THRB: variants seen among roughly 807,000 people sequenced by gnomAD.
THRB encodes the protein thyroid hormone receptor beta, also known as nuclear receptor subfamily 1 group A member 2.
In THRB, 12 loss-of-function variants were observed where a neutral mutation model predicts 47.8. The observed-to-expected ratio is 0.25, with a 90% CI of 0.16 to 0.41. The LOEUF (loss-of-function observed/expected upper bound fraction) is 0.41, where lower values mean the gene tolerates loss of function less well. Among genes scored for constraint, THRB ranks in the 10% least tolerant of loss-of-function variants. The pLI is 1.00. For synonymous variants in THRB, 218 were observed against 212.2 expected (o/e 1.03, Z -0.24); for missense variants, 348 against 589.2 (o/e 0.59, Z 4.24).
intron 7 of THRB, among the ~76,000 whole-genome samples, 196 bp downstream of exon 7, chr3:24,146,479 C>G (rs979295179): frequency 3.3e-5 from 5 of 152,186 alleles, no homozygotes; most frequent in Non-Finnish European, 7.4e-5. Flanking sequence ...TAGGATGGAA[C>G]CCACCCAGCA....
intron 1 of THRB, among the ~76,000 whole-genome samples, chr3:24,343,339 A>G (rs894203456): frequency 6.6e-6 from 1 of 152,194 alleles, no homozygotes; most frequent in African/African-American, 2.4e-5. Context: ...GAAAGCTTCT[A>G]TCATAATTTC....
intron 1 of THRB, among the ~76,000 whole-genome samples, chr3:24,368,015 C>A (rs1240726473): frequency 1.3e-5 from 2 of 152,044 alleles, no homozygotes; most frequent in Non-Finnish European, 2.9e-5. Flanking sequence ...AGTTGGAGAG[C>A]CAGAGTTGGT....
At chr3:24,464,634 T>G (rs185078384) in intron 1 of THRB, among the ~76,000 whole-genome samples, 92 of 152,278 alleles carry the variant, frequency 6.0e-4, no homozygotes, top group Non-Finnish European at 1.1e-3. Flanking sequence ...TAAATATATA[T>G]TTGGACTCAT....
intron 1 of THRB, among the ~76,000 whole-genome samples, chr3:24,344,248 T>A (rs529646856): frequency 6.6e-6 from 1 of 152,056 alleles, no homozygotes; most frequent in Non-Finnish European, 1.5e-5. Flanking sequence ...GTGTATAGTA[T>A]TGCCAAAAGC....
chr3:24,328,563 ACT>A (rs1469812785), intron 2 of THRB, among the ~76,000 whole-genome samples: 3 of 152,080 alleles, frequency 2.0e-5, no homozygotes, highest in African/African-American at 7.2e-5. Context: ...CAAACCCAGG[ACT>A]CATCCTTGAT....
At chr3:24,218,474 C>G (rs1360993785) in intron 4 of THRB, among the ~76,000 whole-genome samples, 1 of 151,112 alleles carries the variant, frequency 6.6e-6, no homozygotes, top group African/African-American at 2.4e-5. Context: ...ATGGGCTAAG[C>G]AAAGCTATAG....
At chr3:24,406,435 A>T (rs967468874) in intron 1 of THRB, among the ~76,000 whole-genome samples, 1 of 151,732 alleles carries the variant, frequency 6.6e-6, no homozygotes, top group African/African-American at 2.4e-5. Context: ...GTAACAGCAG[A>T]TTTCTCTAGT....
At chr3:24,416,541 A>T (rs982770856) in intron 1 of THRB, among the ~76,000 whole-genome samples, 3 of 152,028 alleles carry the variant, frequency 2.0e-5, no homozygotes, top group Admixed American at 6.6e-5. Context: ...CGCTCTATTT[A>T]TAAAAGACTA....
intron 1 of THRB, among the ~76,000 whole-genome samples, chr3:24,442,596 G>A (rs935073383): frequency 2.0e-5 from 3 of 152,204 alleles, no homozygotes; most frequent in Admixed American, 6.5e-5. Flanking sequence ...AGGCCAAGGC[G>A]GGCAGATCAC....
At chr3:24,343,512 T>C (rs2149478018) in intron 1 of THRB, among the ~76,000 whole-genome samples, 1 of 152,282 alleles carries the variant, frequency 6.6e-6, no homozygotes, top group East Asian at 1.9e-4. Context: ...CATCCATCTG[T>C]TATTCTTTTT....
At chr3:24,382,028 T>TA (rs1308046122) in intron 1 of THRB, among the ~76,000 whole-genome samples, 2 of 150,904 alleles carry the variant, frequency 1.3e-5, no homozygotes, top group African/African-American at 2.4e-5. Flanking sequence ...CAAATACTGA[T>TA]AAAAAAATAC....
At chr3:24,280,957 C>T (rs2054522253) in intron 3 of THRB, among the ~76,000 whole-genome samples, 1 of 152,174 alleles carries the variant, frequency 6.6e-6, no homozygotes, top group South Asian at 2.1e-4. Context: ...AAATCTACGT[C>T]TGATTGGTGT....
chr3:24,339,646 C>A (rs539480137), intron 1 of THRB, among the ~76,000 whole-genome samples: 1 of 152,072 alleles, frequency 6.6e-6, no homozygotes, highest in African/African-American at 2.4e-5. Context: ...CGAGAACAAA[C>A]CAAATTAGAG....
Position 24,343,946 on chromosome 3 carries a change from A to G in THRB, c.-260-6575T>C, listed in dbSNP as rs1331904654. 2.8e-5 allele frequency among the ~76,000 whole-genome samples: 4 copies of G among 145,156 alleles called. No individual in the cohort carries two copies. The East Asian group carries it at 7.8e-4, about 28-fold the overall frequency. The stretch of plus-strand genomic sequence containing the variant: ...TATATATTATTTATTTATATATTAT[A>G]TATTATTTATATATATATATATTTA... On this transcript the variant is annotated intron_variant, in intron 1 of 10. Transcript: ENST00000646209.
intron 1 of THRB, among the ~76,000 whole-genome samples, chr3:24,449,375 G>A (rs1342869637): frequency 1.3e-5 from 2 of 152,122 alleles, no homozygotes; most frequent in African/African-American, 4.8e-5. Context: ...TCCTCAGGCA[G>A]GTCTGATGGC....
chr3:24,135,669 C>T lies in THRB; in HGVS notation c.739-2207G>A, dbSNP rs76550046. On this transcript the variant is annotated intron_variant, in intron 8 of 10. Transcript: ENST00000646209. ...GTTCCTCCTTTGGTAATGCTGCTCCCTGCAGCCTTCAGATATCCCTGCTCT... is the reference window on the plus strand; with the variant it reads ...GTTCCTCCTTTGGTAATGCTGCTCCTTGCAGCCTTCAGATATCCCTGCTCT... Among the ~76,000 whole-genome samples the T allele has an allele frequency of 6.7e-3, 1,021 of 152,042 alleles. 13 individuals carry two copies. The highest frequency in any genetic ancestry group is 0.024 in the African/African-American group (978 of 41,462).
intron 3 of THRB, among the ~76,000 whole-genome samples, chr3:24,240,048 G>C (rs2049326973): frequency 6.6e-6 from 1 of 152,188 alleles, no homozygotes; most frequent in African/African-American, 2.4e-5. Context: ...TGGGGTTGCT[G>C]TGGTACCCAA....
intron 10 of THRB, among the ~76,000 whole-genome samples, chr3:24,124,839 G>T (rs577968145): frequency 6.6e-6 from 1 of 152,304 alleles, no homozygotes; most frequent in East Asian, 1.9e-4. Context: ...GCCCTGACAC[G>T]CAGCTATCAT....
chr3:24,449,469 A>T (rs903647904), intron 1 of THRB, among the ~76,000 whole-genome samples: 1 of 152,182 alleles, frequency 6.6e-6, no homozygotes, highest in Admixed American at 6.5e-5. Flanking sequence ...GAAAGACAGC[A>T]GTACTATATA....
Sources: gnomAD v4.1 joint callset for allele counts (sites outside exome capture counted in the v4.1 genomes callset) on GRCh38, gnomAD v4.1.1 for gene constraint, MANE v1.5 for transcripts, NCBI Gene and HGNC (gene_info 2026-07-23, HGNC 2026-07-21) for gene names.